Variants in HMGCLL1 observed in about 807,000 individuals in gnomAD.
The protein encoded by HMGCLL1 is 3-hydroxymethyl-3-methylglutaryl-CoA lyase, cytoplasmic.
Under a neutral mutation model 39.1 loss-of-function variants are expected in HMGCLL1, and 36 were observed. The ratio of observed to expected loss-of-function variants is 0.92; its 90% CI spans 0.71 to 1.22. The LOEUF is 1.22. Ranked by LOEUF, HMGCLL1 falls within the 50% of genes most tolerant of loss-of-function variation. The probability of loss-of-function intolerance (pLI) is 0.00; values close to 1 mark genes in which losing one functional copy is unlikely to be tolerated. For missense variants in HMGCLL1, 451 were observed against 416.5 expected, an observed-to-expected ratio of 1.08 and a Z score of -0.72; for synonymous variants, 149 against 144.0, an observed-to-expected ratio of 1.03 and a Z score of -0.25.
At chr6:55,491,869 T>C (rs1047513988) in intron 7 of HMGCLL1, among the ~76,000 whole-genome samples, 58 of 152,172 alleles carry the variant, frequency 3.8e-4, no homozygotes, top group African/African-American at 1.3e-3. Context: ...AATAATATGA[T>C]AATTATTCTT....
chr6:55,598,012 GA>G, the HMGCLL1 span, among the ~76,000 whole-genome samples: 1 of 152,116 alleles, frequency 6.6e-6, no homozygotes, highest in Non-Finnish European at 1.5e-5. Flanking sequence ...ACTAGTGAGT[GA>G]AAATCAAGGC....
intron 7 of HMGCLL1, among the ~76,000 whole-genome samples, chr6:55,475,283 G>C (rs1224862969): frequency 6.6e-6 from 1 of 151,534 alleles, no homozygotes; most frequent in Non-Finnish European, 1.5e-5. Context: ...ACAGAAAAAG[G>C]TCTTTCTCAA....
the HMGCLL1 span, among the ~76,000 whole-genome samples, chr6:55,607,074 ACT>A: frequency 2.0e-5 from 3 of 152,014 alleles, no homozygotes; most frequent in East Asian, 1.9e-4. Flanking sequence ...GGAAGCTAAC[ACT>A]CTCTGCTTGT....
chr6:55,527,683 T>C (rs955331729), intron 3 of HMGCLL1, among the ~76,000 whole-genome samples: 3 of 152,054 alleles, frequency 2.0e-5, no homozygotes, highest in Non-Finnish European at 4.4e-5. Flanking sequence ...AAATCTTTTA[T>C]GGTGACTTTC....
At chr6:55,515,313 T>C (rs1304295363) in intron 4 of HMGCLL1, among the ~76,000 whole-genome samples, 1 of 151,914 alleles carries the variant, frequency 6.6e-6, no homozygotes, top group Admixed American at 6.6e-5. Context: ...TCATCTTTCC[T>C]CAAACATTTA....
the HMGCLL1 span, among the ~76,000 whole-genome samples, chr6:55,585,961 T>C: frequency 6.6e-6 from 1 of 152,080 alleles, no homozygotes; most frequent in Non-Finnish European, 1.5e-5. Flanking sequence ...GTATAAGAAA[T>C]TAAATTCTAA....
intron 7 of HMGCLL1, among the ~76,000 whole-genome samples, chr6:55,439,889 A>G (rs1012521652): frequency 2.0e-5 from 3 of 152,152 alleles, no homozygotes; most frequent in Non-Finnish European, 2.9e-5. Context: ...ATTTTCACAT[A>G]TTATCCAATT....
At chr6:55,472,869 T>G (rs1003622767) in intron 7 of HMGCLL1, among the ~76,000 whole-genome samples, 2 of 151,520 alleles carry the variant, frequency 1.3e-5, no homozygotes, top group African/African-American at 4.8e-5. Context: ...TAAACTATAA[T>G]AGTGAATCTG....
the HMGCLL1 span, among the ~76,000 whole-genome samples, chr6:55,650,116 TATATATATATATATATATACACAC>T: frequency 3.7e-4 from 29 of 79,446 alleles, no homozygotes; most frequent in African/African-American, 1.3e-3. Context: ...TATATATATA[TATATATATATATATATATACACAC>T]ACACACACAT....
chr6:55,530,895 T>C (rs545977881), intron 3 of HMGCLL1, among the ~76,000 whole-genome samples: 1 of 152,282 alleles, frequency 6.6e-6, no homozygotes, highest in Admixed American at 6.5e-5. Context: ...TTTATGAACA[T>C]CAGCCAAAAC....
At chr6:55,612,320 A>G in the HMGCLL1 span, among the ~76,000 whole-genome samples, 2 of 152,214 alleles carry the variant, frequency 1.3e-5, no homozygotes, top group Non-Finnish European at 2.9e-5. Flanking sequence ...ATGGAAAAAC[A>G]TTATATCCTT....
chr6:55,554,136 C>A (rs928149909), intron 1 of HMGCLL1, among the ~76,000 whole-genome samples: 13 of 152,048 alleles, frequency 8.5e-5, no homozygotes, highest in Admixed American at 2.0e-4. Flanking sequence ...ACAGGGGGCA[C>A]AGCTAGTTAC....
At chr6:55,546,014 C>A (rs895839124) in intron 1 of HMGCLL1, among the ~76,000 whole-genome samples, 2 of 152,106 alleles carry the variant, frequency 1.3e-5, no homozygotes, top group African/African-American at 4.8e-5. Flanking sequence ...TGTAGGCATA[C>A]CTGCCCTTTG....
chr6:55,542,006 A>C, intron 2 of HMGCLL1, 54 bp downstream of exon 2: 1 of 1,196,314 alleles, frequency 8.4e-7, no homozygotes, highest in South Asian at 1.3e-5. Context: ...AATCTTTACA[A>C]TCTTAAATTT....
chr6:55,538,177 T>C (rs577054548), intron 3 of HMGCLL1, among the ~76,000 whole-genome samples: 17 of 152,296 alleles, frequency 1.1e-4, no homozygotes, highest in Non-Finnish European at 2.5e-4. Context: ...CCATGAACAT[T>C]ACTATAGGAA....
At chr6:55,677,260 C>CA in the HMGCLL1 span, among the ~76,000 whole-genome samples, 1 of 152,092 alleles carries the variant, frequency 6.6e-6, no homozygotes, top group Non-Finnish European at 1.5e-5. Context: ...CATGACGCTG[C>CA]ACACCTGTGG....
chr6:55,561,594 C>G (rs986717085), intron 1 of HMGCLL1, among the ~76,000 whole-genome samples: 3 of 152,024 alleles, frequency 2.0e-5, no homozygotes, highest in African/African-American at 7.2e-5. Flanking sequence ...ATCCAAGGAG[C>G]AGTATTTGAA....
At chr6:55,642,652 C>T in the HMGCLL1 span, among the ~76,000 whole-genome samples, 3 of 151,992 alleles carry the variant, frequency 2.0e-5, no homozygotes, top group Admixed American at 6.6e-5. Context: ...TTCTACTTTA[C>T]GTTCAGGGGT....
At chr6:55,657,192 G>A in the HMGCLL1 span, among the ~76,000 whole-genome samples, 28 of 151,956 alleles carry the variant, frequency 1.8e-4, no homozygotes, top group South Asian at 1.0e-3. Flanking sequence ...GTGCAGAAGC[G>A]CTTTAGTTTA....
Sources: allele counts gnomAD v4.1 joint callset (sites outside exome capture counted in the v4.1 genomes callset), GRCh38; gene constraint gnomAD v4.1.1; transcripts MANE v1.5; gene names NCBI Gene and HGNC (gene_info 2026-07-23, HGNC 2026-07-21).